NTM: variants seen among roughly 807,000 people sequenced by gnomAD.
NTM encodes the protein IgLON family member 2.
NTM carries 13 observed loss-of-function variants against 42.1 expected under a neutral mutation model. That is an observed-to-expected ratio of 0.31 (90% CI 0.20 to 0.49). NTM has a LOEUF of 0.49. Ranked by LOEUF, NTM falls within the 20% of genes least tolerant of loss-of-function variation. The pLI is 0.99. For missense variants in NTM, 373 were observed against 452.8 expected (o/e 0.82, Z 1.60); for synonymous variants, 187 against 179.2 (o/e 1.04, Z -0.35).
chr11:131,970,208 A>G (rs2063355973), intron 2 of NTM, among the ~76,000 whole-genome samples: 1 of 152,230 alleles, frequency 6.6e-6, no homozygotes, highest in Non-Finnish European at 1.5e-5. Context: ...ATCCAGGTCA[A>G]GAATAATGGT....
At chr11:132,295,290 G>T (rs2094574253) in intron 4 of NTM, among the ~76,000 whole-genome samples, 1 of 151,984 alleles carries the variant, frequency 6.6e-6, no homozygotes. Flanking sequence ...ATTATGATAG[G>T]CTAGAACAGC....
In NTM at chr11:131,608,468, A is replaced by G. The variant is rs1004255908; in HGVS notation, c.82+237580A>G. 2.6e-5 allele frequency among the ~76,000 whole-genome samples: 4 copies of G among 152,124 alleles called. No homozygotes were observed. The South Asian group carries it at 8.3e-4, about 32-fold the overall frequency. ...CTGACAGTTTAGAAAAACCTCAATT[A>G]AGAAAGAAAGTTCTTTTTTTTGGAG... On this transcript the variant is annotated intron_variant, in intron 1 of 8. Coordinates refer to ENST00000683400, the MANE Select transcript of NTM (RefSeq NM_001352005.2).
chr11:132,156,565 C>G (rs915957366), intron 3 of NTM, among the ~76,000 whole-genome samples: 1 of 152,192 alleles, frequency 6.6e-6, no homozygotes, highest in Non-Finnish European at 1.5e-5. Context: ...GTCAGGGGGC[C>G]CGTATGCTTG....
At chr11:131,496,872 G>A (rs188293799) in intron 1 of NTM, among the ~76,000 whole-genome samples, 102 of 152,276 alleles carry the variant, frequency 6.7e-4, no homozygotes, top group African/African-American at 2.3e-3. Flanking sequence ...GAACAGGCAC[G>A]GAGAGATTTT....
intron 1 of NTM, among the ~76,000 whole-genome samples, chr11:131,774,516 G>T (rs1056392157): frequency 1.3e-5 from 2 of 152,084 alleles, no homozygotes; most frequent in Non-Finnish European, 2.9e-5. Context: ...ATTCCACCTA[G>T]GTCAATTGAG....
intron 1 of NTM, among the ~76,000 whole-genome samples, chr11:131,819,571 C>T (rs1005090058): frequency 6.6e-6 from 1 of 152,164 alleles, no homozygotes; most frequent in Non-Finnish European, 1.5e-5. Context: ...AAAATCCTGC[C>T]AGGCTGTTGG....
intron 1 of NTM, among the ~76,000 whole-genome samples, chr11:131,408,201 C>A (rs2135732855): frequency 6.6e-6 from 1 of 152,280 alleles, no homozygotes; most frequent in South Asian, 2.1e-4. Context: ...GAATGGCCAA[C>A]ACCCTCCCCG....
rs573744664 is a variant in NTM at position 131,872,908 on chromosome 11, A to C, written c.83-38656A>C. ...TGGTATTTCTGCTTCTAGATCCTTG[A>C]GGAATCACTACACTGTCTTCCACAA... On this transcript the variant is annotated intron_variant, in intron 1 of 8. Coordinates refer to ENST00000683400, the MANE Select transcript of NTM (RefSeq NM_001352005.2). Among the ~76,000 whole-genome samples the C allele has an allele frequency of 1.1e-4, 17 of 152,302 alleles. No individual in the cohort carries two copies. The South Asian group carries it at 3.3e-3, about 30-fold the overall frequency.
At chr11:131,372,545 G>A (rs1941365389) in intron 1 of NTM, among the ~76,000 whole-genome samples, 1 of 152,032 alleles carries the variant, frequency 6.6e-6, no homozygotes, top group Non-Finnish European at 1.5e-5. Context: ...TTTCGGAAAA[G>A]CAGTTTCTGT....
At chr11:131,944,624 A>G (rs1440976302) in intron 2 of NTM, among the ~76,000 whole-genome samples, 1 of 152,212 alleles carries the variant, frequency 6.6e-6, no homozygotes, top group African/African-American at 2.4e-5. Flanking sequence ...GAATTGCAAC[A>G]TGCACTTCAT....
rs2087706165 is a variant in NTM, at chr11:132,232,095, G to T, written c.526+19948G>T. 5.3e-5 allele frequency among the ~76,000 whole-genome samples: 8 copies of T among 152,168 alleles called. No individual in the cohort carries two copies. The South Asian group carries it at 1.7e-3, about 31-fold the overall frequency. On this transcript the variant is annotated intron_variant, in intron 4 of 8. Coordinates refer to ENST00000683400, the MANE Select transcript of NTM (RefSeq NM_001352005.2). ...GGAATTAAAAACTTCACGTTGCGTTGTTGTCACTCTACCTGCGTCTCGCCT... is the reference window on the plus strand; with the variant it reads ...GGAATTAAAAACTTCACGTTGCGTTTTTGTCACTCTACCTGCGTCTCGCCT...
At chr11:132,055,570 A>T (rs954786704) in intron 2 of NTM, among the ~76,000 whole-genome samples, 4 of 152,116 alleles carry the variant, frequency 2.6e-5, no homozygotes, top group African/African-American at 9.7e-5. Flanking sequence ...GAGACAGTAA[A>T]CGTGCATTTT....
At chr11:132,117,739 A>G (rs2064110997) in intron 2 of NTM, among the ~76,000 whole-genome samples, 1 of 152,194 alleles carries the variant, frequency 6.6e-6, no homozygotes, top group African/African-American at 2.4e-5. Context: ...TGTAAGTTCC[A>G]TGAGAACAGG....
intron 1 of NTM, among the ~76,000 whole-genome samples, chr11:131,573,277 T>A (rs911578870): frequency 6.6e-6 from 1 of 151,524 alleles, no homozygotes; most frequent in East Asian, 1.9e-4. Context: ...GCTCTGCTTA[T>A]TTGTCATTGT....
At chr11:132,011,874 A>G (rs898535777) in intron 2 of NTM, among the ~76,000 whole-genome samples, 2 of 152,190 alleles carry the variant, frequency 1.3e-5, no homozygotes, top group African/African-American at 4.8e-5. Flanking sequence ...TGTATCTCAG[A>G]AGGTGTCCTT....
chr11:131,442,803 A>T (rs1404104931), intron 1 of NTM, among the ~76,000 whole-genome samples: 2 of 151,862 alleles, frequency 1.3e-5, no homozygotes, highest in Non-Finnish European at 2.9e-5. Flanking sequence ...TGTATATATT[A>T]TATATATGTG....
At position 131,745,476 on chromosome 11, in the gene NTM, C is replaced by T. The variant is rs555149618; in HGVS notation, c.83-166088C>T. Among the ~76,000 whole-genome samples the T allele has an allele frequency of 4.3e-4, 65 of 152,266 alleles. 1 individual carries two copies. The highest frequency in any genetic ancestry group is 6.8e-3 in the Middle Eastern group (2 of 294). On this transcript the variant is annotated intron_variant, in intron 1 of 8. Coordinates refer to ENST00000683400, the MANE Select transcript of NTM (RefSeq NM_001352005.2). ...ATCAGAATCGCTATTTTTGCTTGAT[C>T]GGAGCCTTTTCCCTGGCTTAGTACA...
At chr11:131,906,395 T>C (rs1315842098) in intron 1 of NTM, among the ~76,000 whole-genome samples, 1 of 152,140 alleles carries the variant, frequency 6.6e-6, no homozygotes, top group Non-Finnish European at 1.5e-5. Context: ...TTATAAACTT[T>C]ATGCTCCTAC....
intron 1 of NTM, among the ~76,000 whole-genome samples, chr11:131,394,728 A>C (rs896316138): frequency 1.4e-4 from 22 of 152,132 alleles, no homozygotes; most frequent in Non-Finnish European, 7.4e-5. Context: ...CCATCTACTG[A>C]GAGGCCCTGC....
Sources: allele counts gnomAD v4.1 joint callset (sites outside exome capture counted in the v4.1 genomes callset), GRCh38; gene constraint gnomAD v4.1.1; transcripts MANE v1.5; gene names NCBI Gene and HGNC (gene_info 2026-07-23, HGNC 2026-07-21).